Variants in SSBP4 observed in about 807,000 individuals in gnomAD.
SSBP4 encodes the protein single stranded DNA binding protein 4, also known as single-stranded DNA-binding protein 4.
A neutral mutation model predicts 64.6 loss-of-function variants in SSBP4; 33 were observed. The ratio of observed to expected loss-of-function variants is 0.51; its 90% CI spans 0.39 to 0.68. SSBP4 has a LOEUF of 0.68. Ranked by LOEUF, SSBP4 falls within the 30% of genes least tolerant of loss-of-function variation. The pLI, the probability that SSBP4 is intolerant of heterozygous loss-of-function variation, is 0.00. For synonymous variants in SSBP4, 243 were observed against 224.0 expected (o/e 1.08, Z -0.76); for missense variants, 583 against 566.8 (o/e 1.03, Z -0.29).
chr19:18,417,902 G>T (rs372757228), upstream of SSBP4, among the ~76,000 whole-genome samples: 1 of 152,104 alleles, frequency 6.6e-6, no homozygotes, highest in Non-Finnish European at 1.5e-5. The surrounding 1 kb of genome is among the most constrained non-coding windows in gnomAD (Gnocchi z 5.4). Context: ...CTCACGTACT[G>T]GGGGGCGGCC....
In SSBP4 at chr19:18,433,054, G is replaced by A. The variant is rs1330178295; in HGVS notation, c.912+11G>A. 2 of 1,613,966 alleles carry A rather than the reference G, an allele frequency of 1.2e-6. No homozygotes were observed. Among genetic ancestry groups the A allele is most frequent in the Non-Finnish European group, 1.7e-6 (2 of 1,180,002 alleles). ...GCCGGCAGGGCTAATGTGAGTGGGG[G>A]CTTGCAGGGGTGCTTCTCGAGGCGG... On this transcript the variant is annotated intron_variant, in intron 14 of 17. Transcript: ENST00000270061.
chr19:18,415,208 AC>A (rs1481921551), upstream of SSBP4, among the ~76,000 whole-genome samples: 6 of 151,972 alleles, frequency 3.9e-5, no homozygotes, highest in Non-Finnish European at 7.4e-5. Flanking sequence ...CCTAGCGCAG[AC>A]CCGGCTCCCA....
At position 18,423,881 on chromosome 19, in the gene SSBP4, G is replaced by A. The variant is rs532753319; in HGVS notation, c.60-3470G>A. 2.8e-4 allele frequency among the ~76,000 whole-genome samples: 43 copies of A among 152,242 alleles called. No homozygotes were observed. The highest frequency in any genetic ancestry group is 3.5e-4 in the Non-Finnish European group (24 of 68,002). ...TTGTACCGGCCCAGGGCAGGTGGCC[G>A]GTGGGGGGCAGAGGGCATGGGTGAT... On this transcript the variant is annotated intron_variant, in intron 1 of 17. Coordinates refer to ENST00000270061, the MANE Select transcript of SSBP4 (RefSeq NM_032627.5). The surrounding 1 kb of genome is among the most constrained non-coding windows in gnomAD (Gnocchi z 4.0).
At chr19:18,413,266 T>C in the SSBP4 span, among the ~76,000 whole-genome samples, 1 of 149,896 alleles carries the variant, frequency 6.7e-6, no homozygotes, top group Non-Finnish European at 1.5e-5. Flanking sequence ...AGGAGTGCAA[T>C]GGCACAATCT....
At position 18,432,867 on chromosome 19, in the gene SSBP4, C is replaced by T. The variant is rs746743440; in HGVS notation, c.825C>T (p.Ile275=). 3 of 1,613,908 alleles carry T rather than the reference C, an allele frequency of 1.9e-6. No individual in the cohort carries two copies. Among genetic ancestry groups the T allele is most frequent in the Non-Finnish European group, 1.7e-6 (2 of 1,179,998 alleles). Residue 275 remains isoleucine (I), a synonymous_variant, in exon 13 of 18, where the codon ATC becomes ATT. Transcript: ENST00000270061. ...PGGGGPPGTP[I]MPSPGDSTNS... is the part of the protein sequence containing the mutation. ...GAGGTGGGCCCCCTGGAACACCCAT[C>T]ATGCCTAGCCCTGGAGGTATGGCCT...
chr19:18,405,010 A>G, the SSBP4 span, among the ~76,000 whole-genome samples: 2 of 149,308 alleles, frequency 1.3e-5, no homozygotes, highest in African/African-American at 4.9e-5. Flanking sequence ...AAAGAAAAAA[A>G]CATGGAGAGC....
At position 18,431,872 on chromosome 19, in the gene SSBP4, G is replaced by A; in HGVS notation, c.565+10G>A. ...TCCCCACGAGCCCAGGGTGAGTAGG[G>A]AAGCTCCAGCCCCTATCCCGCCATC... On this transcript the variant is annotated intron_variant, in intron 8 of 17. Coordinates refer to ENST00000270061, the MANE Select transcript of SSBP4 (RefSeq NM_032627.5). 6.4e-7 allele frequency: 1 copy of A among 1,571,486 alleles called. No homozygotes were observed.
chr19:18,419,427 G>T lies in SSBP4; in HGVS notation c.-222G>T. ...CCCGGAACAGCCCGCGCGGAGGAAAGGGAGGAAAAAAAGCCACCCTGCGGC... is the reference window on the plus strand; with the variant it reads ...CCCGGAACAGCCCGCGCGGAGGAAATGGAGGAAAAAAAGCCACCCTGCGGC... On this transcript the variant is annotated 5_prime_UTR_variant, in exon 1 of 18. The change creates a new upstream start codon in the 5' untranslated region. Transcript: ENST00000270061. The T allele has an allele frequency of 9.6e-7, 1 of 1,044,782 alleles. No homozygotes were observed. Among genetic ancestry groups the T allele is most frequent in the South Asian group, 4.4e-5 (1 of 22,572 alleles). 64.7% of individuals were successfully genotyped at this position (1,044,782 alleles called of 1,614,324 possible). A position where few individuals can be genotyped will look rare whatever the true frequency, so the allele number is the denominator to read the frequency against.
Position 18,419,457 on chromosome 19 carries a change from G to T in SSBP4, c.-192G>T. ...GAAAAAAAGCCACCCTGCGGCCGGG[G>T]CCGGAGCTGGAGCCGCCGCTGCCGC... is the stretch of plus-strand genomic sequence containing the variant. On this transcript the variant is annotated 5_prime_UTR_variant, in exon 1 of 18. Coordinates refer to ENST00000270061, the MANE Select transcript of SSBP4 (RefSeq NM_032627.5). The T allele has an allele frequency of 9.4e-7, 1 of 1,066,258 alleles. No homozygotes were observed. Among genetic ancestry groups the T allele is most frequent in the Non-Finnish European group, 1.1e-6 (1 of 883,814 alleles). The allele number at this position is 1,066,258 out of a possible 1,614,324, so 66.0% of individuals were successfully genotyped here. A position where few individuals can be genotyped will look rare whatever the true frequency, so the allele number is the denominator to read the frequency against.
chr19:18,418,329 C>A (rs186889614), upstream of SSBP4, among the ~76,000 whole-genome samples: 9 of 152,346 alleles, frequency 5.9e-5, no homozygotes, highest in African/African-American at 2.2e-4. The surrounding 1 kb of genome is among the most constrained non-coding windows in gnomAD (Gnocchi z 6.7). Context: ...CTTCCCCTAC[C>A]CTGCCCATCC....
At chr19:18,421,530 C>T (rs764360944) in intron 1 of SSBP4, among the ~76,000 whole-genome samples, 4 of 152,120 alleles carry the variant, frequency 2.6e-5, no homozygotes, top group South Asian at 2.1e-4. Context: ...AGGCTCCGGT[C>T]GGGATGGCAG....
At chr19:18,404,645 C>T in the SSBP4 span, among the ~76,000 whole-genome samples, 1 of 147,120 alleles carries the variant, frequency 6.8e-6, no homozygotes, top group African/African-American at 2.5e-5. Flanking sequence ...GTAATCCCAG[C>T]ACTTAGGGAG....
intron 10 of SSBP4, 143 bp from the exon 11 acceptor site, chr19:18,432,416 C>T (rs996695373): frequency 1.2e-4 from 159 of 1,345,952 alleles, no homozygotes; most frequent in Non-Finnish European, 1.5e-4. Context: ...AACCTGGCAG[C>T]TCATGGTGGC....
chr19:18,427,246 G>A lies in SSBP4; in HGVS notation c.60-105G>A. On this transcript the variant is annotated intron_variant, in intron 1 of 17. Coordinates refer to ENST00000270061, the MANE Select transcript of SSBP4 (RefSeq NM_032627.5). The surrounding 1 kb of genome is among the most constrained non-coding windows in gnomAD (Gnocchi z 4.4). Reference sequence around the variant, plus strand: ...ATGAGCTGTCCCTGCTGAGCAGCTGGTGGGGAGGCCACCTTTCCACCCGCC... The same window carrying A: ...ATGAGCTGTCCCTGCTGAGCAGCTGATGGGGAGGCCACCTTTCCACCCGCC... The A allele has an allele frequency of 8.6e-7, 1 of 1,159,466 alleles. No individual in the cohort carries two copies. The allele number at this position is 1,159,466 out of a possible 1,614,324, so 71.8% of individuals were successfully genotyped here.
chr19:18,433,381 A>G, intron 15 of SSBP4, 168 bp downstream of exon 15: 1 of 1,271,372 alleles, frequency 7.9e-7, no homozygotes, highest in Non-Finnish European at 1.1e-6. Context: ...AGGGGGATCC[A>G]GCGACCAAAC....
At chr19:18,409,642 C>T in the SSBP4 span, among the ~76,000 whole-genome samples, 1 of 152,170 alleles carries the variant, frequency 6.6e-6, no homozygotes, top group African/African-American at 2.4e-5. Context: ...GTCACCCAGG[C>T]TGGGGTGCAG....
chr19:18,430,966 C>G (rs750052095), intron 5 of SSBP4, 36 bp downstream of exon 5: 1 of 1,604,124 alleles, frequency 6.2e-7, no homozygotes, highest in South Asian at 1.1e-5. Flanking sequence ...GCCCCCAACT[C>G]TGGCTGAACA....
upstream of SSBP4, chr19:18,419,057 GT>G: frequency 4.1e-6 from 4 of 985,638 alleles, no homozygotes; most frequent in Non-Finnish European, 4.8e-6. Flanking sequence ...CAGCAGCGGG[GT>G]ACACTTTTGC....
the SSBP4 span, among the ~76,000 whole-genome samples, chr19:18,405,874 C>T: frequency 6.6e-6 from 1 of 151,966 alleles, no homozygotes; most frequent in African/African-American, 2.4e-5. Flanking sequence ...GCCTGTAGTC[C>T]CAGCTACTCC....
Sources: allele counts gnomAD v4.1 joint callset (sites outside exome capture counted in the v4.1 genomes callset), GRCh38; gene constraint gnomAD v4.1.1; non-coding constraint Gnocchi (gnomAD v3.1); transcripts MANE v1.5; gene names NCBI Gene and HGNC (gene_info 2026-07-23, HGNC 2026-07-21).